The following MYCBP2 variants were observed in gnomAD, a reference collection of about 807,000 sequenced individuals.
The protein encoded by MYCBP2 is MYC binding protein 2.
In MYCBP2, 120 loss-of-function variants were observed where a neutral mutation model predicts 525.3. The observed-to-expected ratio is 0.23, with a 90% confidence interval of 0.20 to 0.27. The LOEUF (loss-of-function observed/expected upper bound fraction) is 0.27, where lower values mean the gene tolerates loss of function less well. Ranked by LOEUF, MYCBP2 falls within the 10% of genes least tolerant of loss-of-function variation. MYCBP2 has a pLI of 1.00. For synonymous variants in MYCBP2, 1,894 were observed against 1,955.8 expected, an observed-to-expected ratio of 0.97 and a Z score of 0.83; for missense variants, 4,149 against 5,657.1, an observed-to-expected ratio of 0.73 and a Z score of 8.55.
Position 77,070,726 on chromosome 13 carries a change from A to AG in MYCBP2, c.11824-16dup. The AG allele has an allele frequency of 3.9e-6, 6 of 1,529,310 alleles. No individual in the cohort carries two copies. Among genetic ancestry groups the AG allele is most frequent in the Admixed American group, 3.7e-5 (2 of 53,370 alleles). 94.7% of individuals were successfully genotyped at this position (1,529,310 alleles called of 1,614,324 possible). A position where few individuals can be genotyped will look rare whatever the true frequency, so the allele number is the denominator to read the frequency against. ...TCTGATGTTGCCTTTACATAGAAAA[A>AG]GAAAAAAAAAAAAAAGAATGAAGTG... On this transcript the variant is annotated splice_polypyrimidine_tract_variant and intron_variant, in intron 68 of 82. Coordinates refer to ENST00000544440, the MANE Select transcript of MYCBP2 (RefSeq NM_015057.5).
chr13:77,310,927 C>T (rs1415331639), intron 1 of MYCBP2, among the ~76,000 whole-genome samples: 2 of 152,118 alleles, frequency 1.3e-5, no homozygotes, highest in Non-Finnish European at 2.9e-5. Context: ...GCCTATTTTC[C>T]CCACTGTTTA....
At chr13:77,300,579 A>G (rs1319268271) in intron 1 of MYCBP2, among the ~76,000 whole-genome samples, 2 of 152,226 alleles carry the variant, frequency 1.3e-5, no homozygotes, top group African/African-American at 2.4e-5. Context: ...GATCTGGGGC[A>G]TATTTTGATA....
intron 40 of MYCBP2, 146 bp downstream of exon 40, chr13:77,168,282 A>T (rs2058749062): frequency 1.6e-6 from 1 of 615,048 alleles, no homozygotes; most frequent in Non-Finnish European, 2.8e-6. Context: ...TATATCCAAC[A>T]GTGCCTAATC....
intron 72 of MYCBP2, among the ~76,000 whole-genome samples, 176 bp from the exon 73 acceptor site, chr13:77,064,910 A>T (rs561119022): frequency 6.6e-6 from 1 of 152,214 alleles, no homozygotes; most frequent in African/African-American, 2.4e-5. Flanking sequence ...TCCTATGGAA[A>T]ATTCAACTTC....
intron 66 of MYCBP2, 120 bp from the exon 67 acceptor site, chr13:77,077,507 T>C: frequency 8.3e-7 from 1 of 1,209,418 alleles, no homozygotes; most frequent in Non-Finnish European, 1.2e-6. Flanking sequence ...GTAAAGGTTA[T>C]GAGGTTATTT....
At chr13:77,162,516 T>C (rs2058056574) in intron 43 of MYCBP2, among the ~76,000 whole-genome samples, 1 of 152,166 alleles carries the variant, frequency 6.6e-6, no homozygotes, top group Non-Finnish European at 1.5e-5. Flanking sequence ...TGTATAGGAG[T>C]GTAGAACAAA....
chr13:77,095,627 A>G (rs543090943), intron 57 of MYCBP2, 25 bp from the exon 58 acceptor site: 10 of 1,604,048 alleles, frequency 6.2e-6, no homozygotes, highest in Non-Finnish European at 8.5e-6. Context: ...AATCAAACTA[A>G]TCTTTTCTGA....
intron 13 of MYCBP2, among the ~76,000 whole-genome samples, chr13:77,258,231 G>C (rs2072587436): frequency 6.6e-6 from 1 of 152,158 alleles, no homozygotes; most frequent in Non-Finnish European, 1.5e-5. Context: ...ATAGTATATT[G>C]ACATGAAATT....
At chr13:77,176,330 G>A (rs1199629875) in intron 36 of MYCBP2, among the ~76,000 whole-genome samples, 167 bp downstream of exon 36, 2 of 151,996 alleles carry the variant, frequency 1.3e-5, no homozygotes, top group Non-Finnish European at 2.9e-5. Context: ...ATATAATGTG[G>A]TACAACATTA....
chr13:77,045,185 C>T lies in MYCBP2; in HGVS notation c.*193G>A. 1 of 483,280 alleles carries T rather than the reference C, an allele frequency of 2.1e-6. No individual in the cohort carries two copies. The highest frequency in any genetic ancestry group is 3.6e-6 in the Non-Finnish European group (1 of 274,194). 29.9% of individuals were successfully genotyped at this position (483,280 alleles called of 1,614,324 possible). ...GTCATTTGTTCAAAAGAAGATAAAC[C>T]AAAATAATGGGGAAACTTTTCATAG... is the stretch of plus-strand genomic sequence containing the variant. On this transcript the variant is annotated 3_prime_UTR_variant, in exon 83 of 83. Coordinates refer to ENST00000544440, the MANE Select transcript of MYCBP2 (RefSeq NM_015057.5).
Position 77,229,363 on chromosome 13 carries a change from G to A in MYCBP2, c.2737+3793C>T, listed in dbSNP as rs140372040. 2.2e-3 allele frequency among the ~76,000 whole-genome samples: 328 copies of A among 152,238 alleles called. 2 individuals carry two copies. The highest frequency in any genetic ancestry group is 6.5e-3 in the African/African-American group (270 of 41,546). On this transcript the variant is annotated intron_variant, in intron 18 of 82. Transcript: ENST00000544440. ...ACAGATGAAAAAACTAAGGCTTGAA[G>A]GGTTAAGGGGTTAAGTAACCAGCCC...
intron 26 of MYCBP2, 40 bp downstream of exon 26, chr13:77,205,216 T>C (rs1253413915): frequency 4.1e-6 from 6 of 1,455,842 alleles, no homozygotes; most frequent in African/African-American, 1.4e-5. Flanking sequence ...AAAATCAGTA[T>C]GTTCAAACAA....
chr13:77,096,254 T>C (rs2046241132), intron 57 of MYCBP2, 58 bp downstream of exon 57: 8 of 1,475,320 alleles, frequency 5.4e-6, no homozygotes, highest in Non-Finnish European at 7.4e-6. Context: ...TATAACAAGG[T>C]ATTTTTATAC....
intron 17 of MYCBP2, among the ~76,000 whole-genome samples, chr13:77,236,653 A>G (rs2067975978): frequency 6.6e-6 from 1 of 152,214 alleles, no homozygotes; most frequent in Non-Finnish European, 1.5e-5. Context: ...AGATTTATGA[A>G]ATAATTTTAC....
At chr13:77,085,239 AT>A (rs1253077916) in intron 62 of MYCBP2, among the ~76,000 whole-genome samples, 2 of 152,020 alleles carry the variant, frequency 1.3e-5, no homozygotes, top group East Asian at 3.9e-4. Flanking sequence ...CCCTATAAAT[AT>A]TTTTCTTGTT....
intron 4 of MYCBP2, among the ~76,000 whole-genome samples, chr13:77,278,420 A>C (rs770575551): frequency 6.6e-6 from 1 of 152,240 alleles, no homozygotes; most frequent in Non-Finnish European, 1.5e-5. Flanking sequence ...AGTGGAACAC[A>C]GAAAAAAATA....
At chr13:77,138,644 C>A (rs1199799458) in intron 52 of MYCBP2, among the ~76,000 whole-genome samples, 1 of 152,078 alleles carries the variant, frequency 6.6e-6, no homozygotes, top group Non-Finnish European at 1.5e-5. Context: ...CTACTATACT[C>A]AACAAGGAGG....
chr13:77,062,489 T>C (rs2039475407), intron 74 of MYCBP2, 107 bp downstream of exon 74: 2 of 909,284 alleles, frequency 2.2e-6, no homozygotes, highest in African/African-American at 1.7e-5. Context: ...AGAGATCCAC[T>C]AACTGTTTAT....
At chr13:77,136,243 T>G (rs1399059669) in intron 52 of MYCBP2, among the ~76,000 whole-genome samples, 2 of 152,240 alleles carry the variant, frequency 1.3e-5, no homozygotes, top group East Asian at 3.8e-4. Flanking sequence ...CCACGTGCAC[T>G]GCACTTCAGC....
Sources: gnomAD v4.1 joint callset for allele counts (sites outside exome capture counted in the v4.1 genomes callset) on GRCh38, gnomAD v4.1.1 for gene constraint, MANE v1.5 for transcripts, NCBI Gene and HGNC (gene_info 2026-07-23, HGNC 2026-07-21) for gene names.